Variants in DYNC2I1 observed in about 807,000 individuals in gnomAD.
DYNC2I1 encodes cytoplasmic dynein 2 intermediate chain 1.
DYNC2I1 carries 89 observed loss-of-function variants against 133.4 expected under a neutral mutation model. That is an observed-to-expected ratio of 0.67 (90% CI 0.56 to 0.80). The LOEUF (loss-of-function observed/expected upper bound fraction) is 0.80, where lower values mean the gene tolerates loss of function less well. Among genes scored for constraint, DYNC2I1 ranks in the 30% least tolerant of loss-of-function variants. The pLI, the probability that DYNC2I1 is intolerant of heterozygous loss-of-function variation, is 0.00. For synonymous variants in DYNC2I1, 504 were observed against 484.3 expected (o/e 1.04, Z -0.54); for missense variants, 1,291 against 1,314.5 (o/e 0.98, Z 0.28).
chr7:158,921,083 G>T (rs1428367609), intron 15 of DYNC2I1, among the ~76,000 whole-genome samples: 1 of 152,302 alleles, frequency 6.6e-6, no homozygotes, highest in East Asian at 1.9e-4. Flanking sequence ...CTTGTGTTTC[G>T]CTGGGTCAAG....
intron 8 of DYNC2I1, among the ~76,000 whole-genome samples, chr7:158,897,209 C>A (rs950581251): frequency 2.6e-5 from 4 of 151,816 alleles, no homozygotes; most frequent in Admixed American, 6.6e-5. Context: ...GTCTCAAACT[C>A]TTGACCTCAG....
chr7:158,943,276 C>T (rs149508195), intron 24 of DYNC2I1, among the ~76,000 whole-genome samples: 1 of 152,274 alleles, frequency 6.6e-6, no homozygotes, highest in Non-Finnish European at 1.5e-5. Flanking sequence ...TTTATTATTC[C>T]AGAAAGCATG....
chr7:158,922,270 T>C (rs1849175060), intron 15 of DYNC2I1, 107 bp from the exon 16 acceptor site: 1 of 1,136,508 alleles, frequency 8.8e-7, no homozygotes, highest in African/African-American at 1.6e-5. Context: ...GGACCACGTT[T>C]GTTTCTTCAT....
At chr7:158,922,230 A>C (rs62476510) in intron 15 of DYNC2I1, 147 bp from the exon 16 acceptor site, 19,033 of 731,374 alleles carry the variant, frequency 0.026, 366 homozygotes, top group Admixed American at 0.055. Context: ...GTTCATCAAA[A>C]CCTACGTTTC....
At chr7:158,911,742 T>C (rs1050216367) in intron 12 of DYNC2I1, 63 bp downstream of exon 12, 9 of 1,524,154 alleles carry the variant, frequency 5.9e-6, no homozygotes, top group Non-Finnish European at 7.1e-6. Context: ...GATAACTTTG[T>C]GTCTTCCTGA....
intron 7 of DYNC2I1, among the ~76,000 whole-genome samples, chr7:158,890,069 A>T (rs1845053132): frequency 6.6e-6 from 1 of 150,866 alleles, no homozygotes; most frequent in South Asian, 2.1e-4. Flanking sequence ...GCTGGTCTCG[A>T]ACTTCTGGGC....
chr7:158,878,579 G>A (rs1326935541), intron 4 of DYNC2I1, among the ~76,000 whole-genome samples: 2 of 104,728 alleles, frequency 1.9e-5, no homozygotes, highest in Non-Finnish European at 3.8e-5. Context: ...GTGGGGAGGC[G>A]AGGAGGGGAG....
intron 4 of DYNC2I1, among the ~76,000 whole-genome samples, chr7:158,953,714 G>A (rs1018924348): frequency 6.6e-6 from 1 of 151,996 alleles, no homozygotes; most frequent in Non-Finnish European, 1.5e-5. Context: ...ACATATGCGT[G>A]TGTGTATATA....
chr7:158,841,191 A>G, the DYNC2I1 span, among the ~76,000 whole-genome samples: 23 of 87,944 alleles, frequency 2.6e-4, no homozygotes, highest in African/African-American at 1.3e-3. Flanking sequence ...ATATATATAT[A>G]TATATATATA....
At position 158,869,908 on chromosome 7, in the gene DYNC2I1, G is replaced by A. The variant is rs202111347; in HGVS notation, c.69G>A (p.Trp23Ter). 1.7e-4 allele frequency: 279 copies of A among 1,613,130 alleles called. 1 individual carries two copies. Among genetic ancestry groups the A allele is most frequent in the Non-Finnish European group, 3.7e-5 (44 of 1,179,366 alleles). ...CAGATGACCTCAGAAAACATCTCTG[G>A]GTAATTATTGTAAAGATTTGGATTG... ...WKADDLRKHL[W>*]AIQSGGSKEE... Residue 23 changes from tryptophan to a stop codon, truncating the protein, a stop_gained and splice_region_variant, in exon 2 of 25, where the codon TGG (tryptophan) becomes TGA (stop). Coordinates refer to ENST00000407559, the MANE Select transcript of DYNC2I1 (RefSeq NM_018051.5). LOFTEE classifies it high-confidence loss of function.
chr7:158,933,557 A>C (rs1283408604), intron 21 of DYNC2I1, among the ~76,000 whole-genome samples: 1 of 152,250 alleles, frequency 6.6e-6, no homozygotes, highest in African/African-American at 2.4e-5. Flanking sequence ...AGGAGCTTGG[A>C]AGAGCTTGAA....
chr7:158,869,780 T>C lies in DYNC2I1; in HGVS notation c.16-75T>C. 6.1e-6 allele frequency: 7 copies of C among 1,153,542 alleles called. 1 individual carries two copies. In the South Asian group the frequency reaches 1.0e-4, roughly 17 times the overall value. 71.5% of individuals were successfully genotyped at this position (1,153,542 alleles called of 1,614,324 possible). A position where few individuals can be genotyped will look rare whatever the true frequency, so the allele number is the denominator to read the frequency against. ...TTAACTGCCATTGATTTAAATGGCA[T>C]AATGAAAAAGCAGCTCACTACAACA... On this transcript the variant is annotated intron_variant, in intron 1 of 24. Transcript: ENST00000407559.
rs1318833425 is a variant in DYNC2I1, at chr7:158,926,314, C to G, written c.2371+14C>G. On this transcript the variant is annotated intron_variant, in intron 18 of 24. Transcript: ENST00000407559. ...CTACTCAAGAAGGTACGTGATTCTT[C>G]ACTTTCTTAAAATCCTTCATCAATG... 1.9e-6 allele frequency: 3 copies of G among 1,606,358 alleles called. No individual in the cohort carries two copies. Among genetic ancestry groups the G allele is most frequent in the Non-Finnish European group, 2.6e-6 (3 of 1,175,824 alleles).
At chr7:158,893,968 T>C (rs1449874050) in intron 8 of DYNC2I1, among the ~76,000 whole-genome samples, 2 of 151,190 alleles carry the variant, frequency 1.3e-5, no homozygotes, top group African/African-American at 4.9e-5. Flanking sequence ...CATATCATAC[T>C]GCATATTGTA....
chr7:158,882,568 G>GT (rs1844144633), intron 5 of DYNC2I1, among the ~76,000 whole-genome samples: 2 of 152,170 alleles, frequency 1.3e-5, no homozygotes, highest in South Asian at 2.1e-4. Flanking sequence ...GCGTGGTACA[G>GT]TAAGACCTTG....
At chr7:158,878,657 A>G (rs1290354698) in intron 4 of DYNC2I1, among the ~76,000 whole-genome samples, 317 of 60,212 alleles carry the variant, frequency 5.3e-3, no homozygotes, top group Admixed American at 6.1e-3. Flanking sequence ...TCTGAGTGCC[A>G]GGTGCCATGT....
At chr7:158,947,846 G>C (rs764644661), downstream of DYNC2I1, among the ~76,000 whole-genome samples, 1 of 152,254 alleles carries the variant, frequency 6.6e-6, no homozygotes, top group Non-Finnish European at 1.5e-5. Flanking sequence ...GGAAGCACCT[G>C]TGGCCATTGG....
At chr7:158,916,782 G>A (rs1352861477) in intron 14 of DYNC2I1, among the ~76,000 whole-genome samples, 1 of 35,768 alleles carries the variant, frequency 2.8e-5, no homozygotes, top group Non-Finnish European at 6.0e-5. Context: ...ATTGTGAAAC[G>A]TCGACACGCT....
At chr7:158,856,327 C>T (rs1302586673), upstream of DYNC2I1, among the ~76,000 whole-genome samples, 1 of 152,248 alleles carries the variant, frequency 6.6e-6, no homozygotes, top group African/African-American at 2.4e-5. Context: ...GAACCCGGGG[C>T]GGGTTGGGGC....
Sources: allele counts gnomAD v4.1 joint callset (sites outside exome capture counted in the v4.1 genomes callset), GRCh38; gene constraint gnomAD v4.1.1; transcripts MANE v1.5; gene names NCBI Gene and HGNC (gene_info 2026-07-23, HGNC 2026-07-21).